BLTP2: variants seen among roughly 807,000 people sequenced by gnomAD.
BLTP2 encodes bridge-like lipid transfer protein family member 2, also known as U937-associated antigen.
chr17:28,622,679 TCA>T, the BLTP2 span, among the ~76,000 whole-genome samples: 1 of 152,246 alleles, frequency 6.6e-6, no homozygotes. Flanking sequence ...ATAACCTGGT[TCA>T]GTTTTACCAA....
chr17:28,638,493 T>C, the BLTP2 span: 6 of 1,599,418 alleles, frequency 3.8e-6, no homozygotes, highest in East Asian at 2.2e-5. Context: ...AACGGACAGA[T>C]TCTTGTTCCT....
chr17:28,633,988 G>T, the BLTP2 span: 1 of 1,614,098 alleles, frequency 6.2e-7, no homozygotes, highest in Non-Finnish European at 8.5e-7. Flanking sequence ...TGACGCCGAC[G>T]GGAGCAAGGC....
chr17:28,640,661 C>A, the BLTP2 span: 25 of 1,614,048 alleles, frequency 1.5e-5, no homozygotes, highest in African/African-American at 6.7e-5. Flanking sequence ...GCAGAGTTGG[C>A]TCAACTAAGT....
chr17:28,631,804 G>T, the BLTP2 span: 4 of 1,601,570 alleles, frequency 2.5e-6, no homozygotes, highest in Non-Finnish European at 3.4e-6. Context: ...GAAATGAAAG[G>T]AGTCTTTCAT....
At chr17:28,640,519 C>T in the BLTP2 span, 2 of 1,609,916 alleles carry the variant, frequency 1.2e-6, no homozygotes, top group Non-Finnish European at 1.7e-6. Context: ...ATACAGCTCC[C>T]ACTATCACTC....
the BLTP2 span, chr17:28,638,295 T>C: frequency 3.7e-6 from 6 of 1,613,244 alleles, no homozygotes; most frequent in South Asian, 1.1e-5. Flanking sequence ...ACCCCAAACA[T>C]GCATATTGGG....
At chr17:28,623,403 CAG>C in the BLTP2 span, among the ~76,000 whole-genome samples, 5 of 152,172 alleles carry the variant, frequency 3.3e-5, no homozygotes, top group African/African-American at 1.2e-4. Context: ...CATGAGAGGA[CAG>C]AGAAAGGGCA....
the BLTP2 span, chr17:28,631,608 G>A: frequency 2.5e-5 from 40 of 1,613,934 alleles, no homozygotes; most frequent in Non-Finnish European, 3.0e-5. Flanking sequence ...TCAGGTGAAC[G>A]GTCACCTGAC....
chr17:28,634,772 C>G, the BLTP2 span: 6 of 1,613,958 alleles, frequency 3.7e-6, no homozygotes. Context: ...TTTTTGCGTT[C>G]CAAAGAGGCA....
At chr17:28,633,029 A>C in the BLTP2 span, 1 of 1,584,432 alleles carries the variant, frequency 6.3e-7, no homozygotes, top group African/African-American at 1.4e-5. Flanking sequence ...AGCTGGCCCA[A>C]GGGCACCTCA....
chr17:28,639,322 T>C, the BLTP2 span: 1 of 1,614,174 alleles, frequency 6.2e-7, no homozygotes, highest in Admixed American at 1.7e-5. Flanking sequence ...GACCTTTTTT[T>C]CCTTTGCTTT....
the BLTP2 span, chr17:28,618,582 C>T: frequency 2.3e-6 from 1 of 432,522 alleles, no homozygotes; most frequent in Non-Finnish European, 4.1e-6. Flanking sequence ...GGCATCAGAG[C>T]TATATGTGTA....
At chr17:28,628,056 T>C in the BLTP2 span, among the ~76,000 whole-genome samples, 1 of 152,146 alleles carries the variant, frequency 6.6e-6, no homozygotes, top group African/African-American at 2.4e-5. Flanking sequence ...CCCTTCTGAT[T>C]CTCTTCTGGC....
chr17:28,624,031 C>A, the BLTP2 span: 1 of 1,473,650 alleles, frequency 6.8e-7, no homozygotes, highest in Non-Finnish European at 9.4e-7. Context: ...CACATTGTAT[C>A]AACCACTGCA....
At chr17:28,635,567 C>G in the BLTP2 span, 3 of 1,614,060 alleles carry the variant, frequency 1.9e-6, no homozygotes, top group Non-Finnish European at 2.5e-6. Flanking sequence ...TACATGTGAT[C>G]TGGGGGGCTC....
At chr17:28,638,287 C>A in the BLTP2 span, 1 of 1,612,884 alleles carries the variant, frequency 6.2e-7, no homozygotes, top group Non-Finnish European at 8.5e-7. Flanking sequence ...AGTGCCTCAC[C>A]CCAAACATGC....
the BLTP2 span, chr17:28,632,954 G>A: frequency 2.4e-5 from 36 of 1,530,568 alleles, no homozygotes; most frequent in African/African-American, 2.1e-4. Flanking sequence ...CCACTGTGCC[G>A]AGTCAGATCC....
the BLTP2 span, among the ~76,000 whole-genome samples, chr17:28,628,946 A>T: frequency 6.6e-6 from 1 of 152,282 alleles, no homozygotes; most frequent in East Asian, 1.9e-4. Flanking sequence ...AAAAAAAAAA[A>T]AATTCACTGG....
At chr17:28,640,754 C>A in the BLTP2 span, 3 of 1,464,570 alleles carry the variant, frequency 2.0e-6, no homozygotes, top group Non-Finnish European at 1.9e-6. Flanking sequence ...AATGCCCTGG[C>A]CTCTATGGTC....
Sources: allele counts gnomAD v4.1 joint callset (sites outside exome capture counted in the v4.1 genomes callset), GRCh38; gene constraint gnomAD v4.1.1; transcripts MANE v1.5; gene names NCBI Gene and HGNC (gene_info 2026-07-23, HGNC 2026-07-21).